CLNK: variants seen among roughly 807,000 people sequenced by gnomAD.
CLNK encodes the protein cytokine-dependent hematopoietic cell linker.
In CLNK, 74 loss-of-function variants were observed where a neutral mutation model predicts 68.6. The observed-to-expected ratio is 1.08, with a 90% CI of 0.89 to 1.31. The LOEUF is 1.31. Ranked by LOEUF, CLNK falls within the 50% of genes most tolerant of loss-of-function variation. CLNK has a pLI of 0.00. For synonymous variants in CLNK, 198 were observed against 172.2 expected, an observed-to-expected ratio of 1.15 and a Z score of -1.17; for missense variants, 553 against 515.3, an observed-to-expected ratio of 1.07 and a Z score of -0.71.
At chr4:10,492,193 A>G (rs994207329) in intron 18 of CLNK, among the ~76,000 whole-genome samples, 3 of 152,174 alleles carry the variant, frequency 2.0e-5, no homozygotes, top group African/African-American at 7.2e-5. Flanking sequence ...TCCCATGGCT[A>G]GGGAGGATGA....
the CLNK span, among the ~76,000 whole-genome samples, chr4:10,715,906 T>C: frequency 6.6e-6 from 1 of 152,194 alleles, no homozygotes; most frequent in African/African-American, 2.4e-5. Flanking sequence ...AGCTCGTAGC[T>C]GCTTGGCAGA....
intron 8 of CLNK, among the ~76,000 whole-genome samples, chr4:10,553,053 G>GC (rs1057205856): frequency 1.4e-5 from 2 of 146,124 alleles, no homozygotes; most frequent in East Asian, 3.9e-4. Context: ...GGAAGAGGAG[G>GC]GGGGGGCATG....
intron 4 of CLNK, among the ~76,000 whole-genome samples, chr4:10,583,250 G>A (rs1260676450): frequency 6.6e-6 from 1 of 152,108 alleles, no homozygotes; most frequent in Non-Finnish European, 1.5e-5. Flanking sequence ...GCATAGGTCT[G>A]CTGGGCTGTT....
chr4:10,505,726 T>C (rs929385694), intron 17 of CLNK, among the ~76,000 whole-genome samples: 2 of 152,174 alleles, frequency 1.3e-5, no homozygotes, highest in Non-Finnish European at 2.9e-5. Flanking sequence ...AGGACCTTTG[T>C]GATTATACTG....
chr4:10,652,403 A>AAT (rs1553863161), intron 2 of CLNK, among the ~76,000 whole-genome samples: 2 of 148,522 alleles, frequency 1.3e-5, no homozygotes, highest in Non-Finnish European at 3.0e-5. Flanking sequence ...AAAAAAAAAA[A>AAT]GGAAAAAAAA....
intron 2 of CLNK, among the ~76,000 whole-genome samples, chr4:10,628,722 A>G (rs930914247): frequency 2.0e-5 from 3 of 152,206 alleles, no homozygotes; most frequent in Non-Finnish European, 4.4e-5. Context: ...TGCTTTGTAC[A>G]TGCTGAACTG....
At chr4:10,558,771 C>T (rs772976649) in intron 7 of CLNK, among the ~76,000 whole-genome samples, 2 of 152,172 alleles carry the variant, frequency 1.3e-5, no homozygotes, top group Non-Finnish European at 2.9e-5. Flanking sequence ...AGGAAAAATG[C>T]TCATCATTCA....
chr4:10,634,859 T>C (rs1423893274), intron 2 of CLNK, among the ~76,000 whole-genome samples: 4 of 152,046 alleles, frequency 2.6e-5, no homozygotes, highest in Non-Finnish European at 5.9e-5. Flanking sequence ...AAATGAGCAG[T>C]TGGACTGGGA....
At position 10,490,801 on chromosome 4, in the gene CLNK, G is replaced by A. The variant is rs144136272; in HGVS notation, c.1141-188C>T. ...TTTTTCTGAGACGTTGTTTTGCTCTGTCACCCAGGCTGGAATGCAGTGCCA... is the reference window on the plus strand; with the variant it reads ...TTTTTCTGAGACGTTGTTTTGCTCTATCACCCAGGCTGGAATGCAGTGCCA... On this transcript the variant is annotated intron_variant, in intron 18 of 18. Coordinates refer to ENST00000226951, the MANE Select transcript of CLNK (RefSeq NM_052964.4). 4.8e-3 allele frequency among the ~76,000 whole-genome samples: 729 copies of A among 152,234 alleles called. 4 individuals carry two copies. The highest frequency in any genetic ancestry group is 0.016 in the African/African-American group (684 of 41,534).
chr4:10,571,250 G>T (rs943284767), intron 5 of CLNK, among the ~76,000 whole-genome samples: 22 of 149,850 alleles, frequency 1.5e-4, no homozygotes, highest in Non-Finnish European at 1.2e-4. Flanking sequence ...TTACACCCAA[G>T]AATTAAAATG....
At chr4:10,598,224 T>G (rs772651530) in intron 2 of CLNK, among the ~76,000 whole-genome samples, 175 bp from the exon 3 acceptor site, 2 of 152,220 alleles carry the variant, frequency 1.3e-5, no homozygotes, top group Non-Finnish European at 2.9e-5. Flanking sequence ...AATTTGTGTT[T>G]AAAGTAATCC....
At chr4:10,506,865 T>C (rs953637353) in intron 17 of CLNK, among the ~76,000 whole-genome samples, 2 of 152,052 alleles carry the variant, frequency 1.3e-5, no homozygotes, top group African/African-American at 4.8e-5. Context: ...GGTGGCGCGA[T>C]CTCAGCTCAC....
Position 10,542,365 on chromosome 4 carries a change from T to C in CLNK, c.446-85A>G, listed in dbSNP as rs193240087. The C allele has an allele frequency of 5.6e-4, 488 of 875,212 alleles. 1 individual carries two copies. The African/African-American group carries it at 7.1e-3, about 13-fold the overall frequency. 54.2% of individuals were successfully genotyped at this position (875,212 alleles called of 1,614,324 possible). A position where few individuals can be genotyped will look rare whatever the true frequency, so the allele number is the denominator to read the frequency against. On this transcript the variant is annotated intron_variant, in intron 8 of 18. Transcript: ENST00000226951. The stretch of plus-strand genomic sequence containing the variant: ...ATACACGCTTACATGAAAATCATTT[T>C]TATTTGTAATAATATTGGTGATAAC...
the CLNK span, among the ~76,000 whole-genome samples, chr4:10,710,485 G>A: frequency 6.6e-6 from 1 of 152,158 alleles, no homozygotes; most frequent in Non-Finnish European, 1.5e-5. Flanking sequence ...CTAATAATAA[G>A]AACCAGTGTT....
intron 2 of CLNK, among the ~76,000 whole-genome samples, chr4:10,601,244 G>A (rs999150356): frequency 6.6e-6 from 1 of 152,146 alleles, no homozygotes; most frequent in Non-Finnish European, 1.5e-5. Context: ...CTATGTTGCA[G>A]AGGAAGCCAG....
At chr4:10,641,804 C>T (rs1011123012) in intron 2 of CLNK, among the ~76,000 whole-genome samples, 2 of 151,914 alleles carry the variant, frequency 1.3e-5, no homozygotes, top group African/African-American at 4.8e-5. Context: ...GGGAGGGACC[C>T]GGTTGGAGAT....
chr4:10,602,016 G>A (rs1644489163), intron 2 of CLNK, among the ~76,000 whole-genome samples: 1 of 152,208 alleles, frequency 6.6e-6, no homozygotes, highest in South Asian at 2.1e-4. Context: ...ATCTTCTGCT[G>A]AAACAGAGCA....
At chr4:10,490,721 T>A in intron 18 of CLNK, 108 bp from the exon 19 acceptor site, 1 of 852,222 alleles carries the variant, frequency 1.2e-6, no homozygotes, top group Non-Finnish European at 1.8e-6. Context: ...TGAACCAATT[T>A]AACAATGTTT....
At chr4:10,699,529 T>TCCTGAGACGGTC in the CLNK span, among the ~76,000 whole-genome samples, 1 of 113,726 alleles carries the variant, frequency 8.8e-6, no homozygotes, top group Non-Finnish European at 1.8e-5. Context: ...TTTTTTTTTT[T>TCCTGAGACGGTC]CTGAGACGGT....
Sources: allele counts gnomAD v4.1 joint callset (sites outside exome capture counted in the v4.1 genomes callset), GRCh38; gene constraint gnomAD v4.1.1; transcripts MANE v1.5; gene names NCBI Gene and HGNC (gene_info 2026-07-23, HGNC 2026-07-21).